Variants in ZNF133 observed in about 807,000 individuals in gnomAD.
ZNF133 encodes the protein zinc finger protein 133.
A neutral mutation model predicts 54.9 loss-of-function variants in ZNF133; 26 were observed. The ratio of observed to expected loss-of-function variants is 0.47; its 90% CI spans 0.35 to 0.66. ZNF133 has a LOEUF of 0.66. Among genes scored for constraint, ZNF133 ranks in the 30% least tolerant of loss-of-function variants. The probability of loss-of-function intolerance (pLI) is 0.01; values close to 1 mark genes in which losing one functional copy is unlikely to be tolerated. For synonymous variants in ZNF133, 298 were observed against 320.3 expected (o/e 0.93, Z 0.74); for missense variants, 653 against 820.8 (o/e 0.80, Z 2.50).
chr20:18,314,735 T>C, intron 6 of ZNF133: 2 of 220,248 alleles, frequency 9.1e-6, no homozygotes, highest in East Asian at 2.0e-4. Flanking sequence ...GTGGACATGA[T>C]TTATCTCAGT....
In ZNF133 at chr20:18,315,171, T is replaced by C; in HGVS notation, c.320T>C (p.Ile107Thr). 6.2e-7 allele frequency: 1 copy of C among 1,612,828 alleles called. No homozygotes were observed. The highest frequency in any genetic ancestry group is 2.2e-5 in the East Asian group (1 of 44,852). ...GTGCTGTGTAATCATCCCCCCTGGA[T>C]CTTCACATGCTTGTGTGCAGAAGGT... ...QHVLCNHPPWIFTCLCAEGNI... is the reference protein window; with the variant it reads ...QHVLCNHPPWTFTCLCAEGNI... Residue 107 changes from isoleucine to threonine, a missense_variant, in exon 7 of 7, where the codon ATC becomes ACC. Coordinates refer to ENST00000425686, the MANE Select transcript of ZNF133 (RefSeq NM_001352452.2).
intron 1 of ZNF133, among the ~76,000 whole-genome samples, chr20:18,289,213 C>G (rs1162288376): frequency 6.6e-6 from 1 of 152,072 alleles, no homozygotes; most frequent in Non-Finnish European, 1.5e-5. Context: ...TTGGTCACCC[C>G]CGGGTTCGGG....
chr20:18,295,202 T>A (rs1568732431), intron 1 of ZNF133: 1 of 152,276 alleles, frequency 6.6e-6, no homozygotes, highest in Non-Finnish European at 1.5e-5. Flanking sequence ...TTGCCTTTCT[T>A]ATTTCTTATT....
chr20:18,298,248 A>G, intron 2 of ZNF133, 41 bp from the exon 3 acceptor site: 2 of 1,447,672 alleles, frequency 1.4e-6, no homozygotes, highest in Non-Finnish European at 1.8e-6. Context: ...AACAACACAC[A>G]ATTCTACAGT....
intron 6 of ZNF133, 56 bp downstream of exon 6, chr20:18,306,449 G>C: frequency 1.3e-6 from 2 of 1,547,406 alleles, no homozygotes; most frequent in Non-Finnish European, 1.8e-6. Flanking sequence ...CAGAGGACTG[G>C]GGGAGAGGAG....
chr20:18,306,456 G>A, intron 6 of ZNF133, 63 bp downstream of exon 6: 1 of 1,526,568 alleles, frequency 6.6e-7, no homozygotes, highest in South Asian at 1.2e-5. Flanking sequence ...CTGGGGGAGA[G>A]GAGGCGTTGC....
chr20:18,291,601 G>A (rs2041007203), intron 1 of ZNF133, among the ~76,000 whole-genome samples: 1 of 151,784 alleles, frequency 6.6e-6, no homozygotes, highest in South Asian at 2.1e-4. Context: ...TGGTTCTCCC[G>A]TTCATTCTCA....
chr20:18,297,923 G>A (rs2042568538), intron 1 of ZNF133, 62 bp from the exon 2 acceptor site: 3 of 1,126,202 alleles, frequency 2.7e-6, no homozygotes, highest in South Asian at 2.7e-5. Context: ...AGCAGGCCCT[G>A]CTTCACTCAT....
At chr20:18,300,811 AG>A (rs1359849019) in intron 3 of ZNF133, among the ~76,000 whole-genome samples, 1 of 152,168 alleles carries the variant, frequency 6.6e-6, no homozygotes, top group Non-Finnish European at 1.5e-5. Context: ...AAATATATAA[AG>A]AAAAATGGGC....
chr20:18,313,189 T>C (rs1211328914), intron 6 of ZNF133: 1 of 152,228 alleles, frequency 6.6e-6, no homozygotes, highest in South Asian at 2.1e-4. Flanking sequence ...ATATTCCTAG[T>C]GTATACACAG....
chr20:18,310,215 C>T (rs952609074), intron 6 of ZNF133: 3 of 1,491,356 alleles, frequency 2.0e-6, no homozygotes, highest in Non-Finnish European at 2.7e-6. Flanking sequence ...AAAAAGAATG[C>T]TGTACAATCC....
chr20:18,304,845 C>G (rs558572236), intron 3 of ZNF133, among the ~76,000 whole-genome samples, 163 bp from the exon 4 acceptor site: 2 of 152,290 alleles, frequency 1.3e-5, no homozygotes, highest in East Asian at 3.9e-4. Context: ...TCCCTGCCTA[C>G]ATTTTGGCTT....
At chr20:18,293,329 C>G (rs1043799536) in intron 1 of ZNF133, among the ~76,000 whole-genome samples, 2 of 152,196 alleles carry the variant, frequency 1.3e-5, no homozygotes, top group South Asian at 4.1e-4. Context: ...GACATATTTT[C>G]GTGGGTTCCA....
At position 18,315,817 on chromosome 20, in the gene ZNF133, G is replaced by A. The variant is rs768103033; in HGVS notation, c.966G>A (p.Gly322=). ...TCATACACCAGAGGACACACTCAGG[G>A]GAAAAGCCTTACGTGTGCCGGGAAT... ...NLIIHQRTHS[G]EKPYVCRECG... The change falls in exon 7 of 7, where the codon GGG becomes GGA. Residue 322 remains glycine, a synonymous_variant. Transcript: ENST00000425686. The A allele has an allele frequency of 3.7e-6, 6 of 1,612,110 alleles. No individual in the cohort carries two copies. Among genetic ancestry groups the A allele is most frequent in the Non-Finnish European group, 3.4e-6 (4 of 1,178,756 alleles).
intron 6 of ZNF133, among the ~76,000 whole-genome samples, chr20:18,307,758 T>C (rs972352534): frequency 6.6e-6 from 1 of 152,208 alleles, no homozygotes; most frequent in African/African-American, 2.4e-5. Flanking sequence ...GTTTACTGTC[T>C]CATTTGTCAT....
At position 18,316,456 on chromosome 20, in the gene ZNF133, C is replaced by G; in HGVS notation, c.1605C>G (p.Ala535=). ...RECGRGFSHQ[A]GLIRHKRKHS... ...GCGGGCGAGGCTTTAGCCACCAGGC[C>G]GGTCTCATCAGGCACAAGCGGAAGC... is the stretch of plus-strand genomic sequence containing the variant. The change falls in exon 7 of 7, where the codon GCC becomes GCG. Residue 535 remains alanine, a synonymous_variant. Transcript: ENST00000425686. 6.2e-7 allele frequency: 1 copy of G among 1,614,066 alleles called. No homozygotes were observed. Among genetic ancestry groups the G allele is most frequent in the Non-Finnish European group, 8.5e-7 (1 of 1,180,020 alleles).
chr20:18,310,425 G>GT lies in ZNF133; in HGVS notation c.217+4035dup, dbSNP rs542298742. 134 of 1,114,574 alleles carry GT rather than the reference G, an allele frequency of 1.2e-4. No homozygotes were observed. In the African/African-American group the frequency reaches 1.5e-3, roughly 13 times the overall value. The allele number at this position is 1,114,574 out of a possible 1,614,324, so 69.0% of individuals were successfully genotyped here. The stretch of plus-strand genomic sequence containing the variant: ...AGAAAAGTATTTAATTTTCTCGGCT[G>GT]TTTCATTAATCAGAATGCTAATTCA... On this transcript the variant is annotated intron_variant, in intron 6 of 6. Coordinates refer to ENST00000425686, the MANE Select transcript of ZNF133 (RefSeq NM_001352452.2).
intron 6 of ZNF133, among the ~76,000 whole-genome samples, chr20:18,307,989 G>C (rs1336217121): frequency 6.6e-6 from 1 of 151,504 alleles, no homozygotes; most frequent in Non-Finnish European, 1.5e-5. Context: ...AGTTGAGTTT[G>C]TTGTTAAACA....
In ZNF133 at chr20:18,316,739, G is replaced by C; in HGVS notation, c.1888G>C (p.Val630Leu). ...CAGCAGACACAGGAAGACCACGTCTGTCCACCACAGACTGCCAGTGCAGCC... is the reference window on the plus strand; with the variant it reads ...CAGCAGACACAGGAAGACCACGTCTCTCCACCACAGACTGCCAGTGCAGCC... Reference protein sequence around the residue: ...HLSRHRKTTSVHHRLPVQPDP... With the variant: ...HLSRHRKTTSLHHRLPVQPDP... Residue 630 changes from valine (V) to leucine (L), a missense_variant, in exon 7 of 7, where the codon GTC becomes CTC. Around this residue, in one of 4 missense-constraint regions of ZNF133, gnomAD observed 129 missense variants for 138.5 expected, o/e 0.93. Transcript: ENST00000425686. 1 of 1,614,214 alleles carries C rather than the reference G, an allele frequency of 6.2e-7. No individual in the cohort carries two copies. Among genetic ancestry groups the C allele is most frequent in the Non-Finnish European group, 8.5e-7 (1 of 1,180,036 alleles).
Sources: allele counts gnomAD v4.1 joint callset (sites outside exome capture counted in the v4.1 genomes callset), GRCh38; gene constraint gnomAD v4.1.1; regional missense constraint gnomAD v4.1.1; transcripts MANE v1.5; gene names NCBI Gene and HGNC (gene_info 2026-07-23, HGNC 2026-07-21).